Variants in PSD3 observed in about 807,000 individuals in gnomAD.
The protein encoded by PSD3 is pleckstrin and Sec7 domain containing 3.
A neutral mutation model predicts 105.5 loss-of-function variants in PSD3; 49 were observed. The ratio of observed to expected loss-of-function variants is 0.46; its 90% CI spans 0.37 to 0.59. The LOEUF (loss-of-function observed/expected upper bound fraction) is 0.59, where lower values mean the gene tolerates loss of function less well. Among genes scored for constraint, PSD3 ranks in the 20% least tolerant of loss-of-function variants. PSD3 has a pLI of 0.00. For missense variants in PSD3, 1,561 were observed against 1,263.8 expected, an observed-to-expected ratio of 1.24 and a Z score of -3.57; for synonymous variants, 557 against 457.8, an observed-to-expected ratio of 1.22 and a Z score of -2.77.
chr8:18,901,608 C>G (rs1285576426), intron 2 of PSD3, among the ~76,000 whole-genome samples: 12 of 152,022 alleles, frequency 7.9e-5, no homozygotes, highest in African/African-American at 2.9e-4. Context: ...CTTTGTGTAT[C>G]TGCTCCACCA....
intron 1 of PSD3, among the ~76,000 whole-genome samples, chr8:18,999,125 G>C (rs901716288): frequency 6.6e-6 from 1 of 152,000 alleles, no homozygotes; most frequent in African/African-American, 2.4e-5. Context: ...AGTGATTTTA[G>C]AACAAAATGG....
At chr8:18,617,929 C>G (rs1395268083) in intron 11 of PSD3, among the ~76,000 whole-genome samples, 3 of 152,160 alleles carry the variant, frequency 2.0e-5, no homozygotes, top group Non-Finnish European at 4.4e-5. Context: ...AAAGCCGTCT[C>G]TAGTGGGGGA....
chr8:18,781,206 G>C (rs547739874), intron 8 of PSD3, among the ~76,000 whole-genome samples: 1 of 152,240 alleles, frequency 6.6e-6, no homozygotes, highest in South Asian at 2.1e-4. Flanking sequence ...TTACTTAAGA[G>C]CATGTACTTA....
intron 1 of PSD3, chr8:19,001,001 A>G (rs1365603): frequency 0.7 from 106,432 of 151,652 alleles, 38,172 homozygotes; most frequent in East Asian, 0.91. Context: ...ATACAAAGTG[A>G]TGTAATGAGT....
At position 18,750,634 on chromosome 8, in the gene PSD3, C is replaced by G. The variant is rs1563222822; in HGVS notation, c.2172+14815G>C. ...AGCCTGCTTTTATTCTCTTATCTGG[C>G]CCCACCCACATCCTGCTGATTGGTA... On this transcript the variant is annotated intron_variant, in intron 9 of 15. Transcript: ENST00000327040. Among the ~76,000 whole-genome samples the G allele has an allele frequency of 2.0e-5, 3 of 152,068 alleles. No individual in the cohort carries two copies. The South Asian group carries it at 6.2e-4, about 32-fold the overall frequency.
intron 1 of PSD3, among the ~76,000 whole-genome samples, chr8:19,027,114 A>G (rs150538158): frequency 3.9e-5 from 6 of 152,124 alleles, no homozygotes; most frequent in Admixed American, 6.5e-5. Context: ...TACATTGGAA[A>G]ATCTCTGTAC....
At chr8:18,783,764 C>G (rs1232626274) in intron 8 of PSD3, among the ~76,000 whole-genome samples, 2 of 152,138 alleles carry the variant, frequency 1.3e-5, no homozygotes, top group Non-Finnish European at 2.9e-5. Context: ...ACTCGAGTAA[C>G]TGGGATGATA....
chr8:18,915,396 G>C (rs1055191491), intron 2 of PSD3, among the ~76,000 whole-genome samples: 1 of 152,072 alleles, frequency 6.6e-6, no homozygotes, highest in African/African-American at 2.4e-5. Context: ...CAATTGTCAG[G>C]GTGAAAAGAC....
chr8:18,584,478 G>C (rs1803019819), intron 12 of PSD3, among the ~76,000 whole-genome samples: 1 of 152,210 alleles, frequency 6.6e-6, no homozygotes, highest in Non-Finnish European at 1.5e-5. Flanking sequence ...TACTGAGTAG[G>C]TTAATCAACT....
At chr8:18,931,765 G>A (rs751242833) in intron 2 of PSD3, among the ~76,000 whole-genome samples, 21 of 152,296 alleles carry the variant, frequency 1.4e-4, no homozygotes, top group Middle Eastern at 6.8e-3. Context: ...AAGAGTCCCC[G>A]AAGGCCTCCC....
rs576623485 is a variant in PSD3 at position 18,785,888 on chromosome 8, T to A, written c.2082+13407A>T. On this transcript the variant is annotated intron_variant, in intron 8 of 15. Coordinates refer to ENST00000327040, the MANE Select transcript of PSD3 (RefSeq NM_015310.4). ...CTTTGGCGCAGTCAAAACATATATATTTATCAATTAAGTCTGCTGTCTTAT... is the reference window on the plus strand; with the variant it reads ...CTTTGGCGCAGTCAAAACATATATAATTATCAATTAAGTCTGCTGTCTTAT... Among the ~76,000 whole-genome samples the A allele has an allele frequency of 6.6e-5, 10 of 152,284 alleles. No individual in the cohort carries two copies. In the South Asian group the frequency reaches 2.1e-3, roughly 32 times the overall value.
intron 8 of PSD3, among the ~76,000 whole-genome samples, chr8:18,769,673 T>C (rs1385210545): frequency 6.6e-6 from 1 of 152,184 alleles, no homozygotes; most frequent in Non-Finnish European, 1.5e-5. Flanking sequence ...CAAGCACAAA[T>C]CTGCATTTTC....
chr8:18,819,813 G>A (rs979842321), intron 4 of PSD3, among the ~76,000 whole-genome samples: 5 of 152,106 alleles, frequency 3.3e-5, no homozygotes, highest in African/African-American at 9.7e-5. Context: ...TCCTGACCTC[G>A]TGATCTGCCA....
chr8:18,621,541 A>C (rs1284374894), intron 11 of PSD3, among the ~76,000 whole-genome samples: 1 of 152,214 alleles, frequency 6.6e-6, no homozygotes, highest in African/African-American at 2.4e-5. Context: ...TTAATCTTTT[A>C]GTCTAAATTT....
intron 1 of PSD3, among the ~76,000 whole-genome samples, chr8:19,022,388 C>T (rs558826042): frequency 3.9e-5 from 6 of 152,336 alleles, no homozygotes; most frequent in African/African-American, 1.2e-4. Flanking sequence ...CTCACCCACC[C>T]TACTGGGTGG....
intron 2 of PSD3, among the ~76,000 whole-genome samples, chr8:18,901,858 C>T (rs1052125282): frequency 1.3e-5 from 2 of 152,154 alleles, no homozygotes; most frequent in East Asian, 3.8e-4. Context: ...TCAGCCCATT[C>T]TCTCCTAGCC....
intron 10 of PSD3, among the ~76,000 whole-genome samples, chr8:18,648,980 G>C (rs1808264194): frequency 6.6e-6 from 1 of 152,254 alleles, no homozygotes; most frequent in African/African-American, 2.4e-5. Context: ...GAGAATGTAT[G>C]GAAAAGCCTG....
At chr8:18,632,493 A>G in intron 11 of PSD3, 120 bp downstream of exon 11, 1 of 1,100,552 alleles carries the variant, frequency 9.1e-7, no homozygotes, top group Admixed American at 2.8e-5. Context: ...ATCCAATTTC[A>G]AGAATGTGTC....
chr8:18,552,084 G>A (rs909372171), intron 15 of PSD3, among the ~76,000 whole-genome samples: 1 of 152,196 alleles, frequency 6.6e-6, no homozygotes, highest in African/African-American at 2.4e-5. Flanking sequence ...AAGAAAACAC[G>A]TTGACATTAG....
Sources: allele counts gnomAD v4.1 joint callset (sites outside exome capture counted in the v4.1 genomes callset), GRCh38; gene constraint gnomAD v4.1.1; transcripts MANE v1.5; gene names NCBI Gene and HGNC (gene_info 2026-07-23, HGNC 2026-07-21).